The following PATJ variants were observed in gnomAD, a reference collection of about 807,000 sequenced individuals.
The protein encoded by PATJ is inaD-like protein.
PATJ carries 190 observed loss-of-function variants against 224.9 expected under a neutral mutation model. The ratio of observed to expected loss-of-function variants is 0.84; its 90% confidence interval spans 0.75 to 0.95. The LOEUF (loss-of-function observed/expected upper bound fraction) is 0.95. Among genes scored for constraint, PATJ ranks in the 40% least tolerant of loss-of-function variants. The probability of loss-of-function intolerance (pLI) is 0.00; values close to 1 mark genes in which losing one functional copy is unlikely to be tolerated. For missense variants in PATJ, 2,121 were observed against 2,270.3 expected (o/e 0.93, Z 1.34); for synonymous variants, 769 against 820.3 (o/e 0.94, Z 1.07).
intron 17 of PATJ, among the ~76,000 whole-genome samples, chr1:61,847,563 G>T (rs1166536063): frequency 6.6e-6 from 1 of 152,162 alleles, no homozygotes; most frequent in Non-Finnish European, 1.5e-5. Flanking sequence ...GAACATGATG[G>T]TGCTGTGGTA....
intron 7 of PATJ, among the ~76,000 whole-genome samples, chr1:61,779,556 A>G (rs1647130371): frequency 1.3e-5 from 2 of 152,208 alleles, no homozygotes; most frequent in African/African-American, 4.8e-5. Flanking sequence ...TTTGACCAAA[A>G]CAGTCAGCAC....
At chr1:61,988,956 A>C (rs1313158500) in intron 27 of PATJ, among the ~76,000 whole-genome samples, 6 of 152,132 alleles carry the variant, frequency 3.9e-5, no homozygotes, top group Non-Finnish European at 8.8e-5. Flanking sequence ...ACAATCTACG[A>C]ATTTGTTATT....
chr1:61,934,187 C>T (rs1267393008), intron 27 of PATJ, among the ~76,000 whole-genome samples: 4 of 152,156 alleles, frequency 2.6e-5, no homozygotes, highest in Admixed American at 6.6e-5. Context: ...GGCACGATCT[C>T]GGCTCACCGC....
In PATJ at chr1:61,742,533, C is replaced by T. The variant is rs1570162640; in HGVS notation, c.-58C>T. On this transcript the variant is annotated 5_prime_UTR_variant, in exon 1 of 44. Coordinates refer to ENST00000642238, the MANE Select transcript of PATJ (RefSeq NM_001350145.3). ...ACCGAGCCCGCCCGACCCGGGCTCCCACCTGCTCCTCCAGCGCACCAGGTA... is the reference window on the plus strand; with the variant it reads ...ACCGAGCCCGCCCGACCCGGGCTCCTACCTGCTCCTCCAGCGCACCAGGTA... 2.6e-5 allele frequency: 4 copies of T among 152,628 alleles called. 1 individual carries two copies. The highest frequency in any genetic ancestry group is 2.6e-4 in the Admixed American group (4 of 15,304). 9.5% of individuals were successfully genotyped at this position (152,628 alleles called of 1,614,324 possible).
At chr1:61,928,193 G>C (rs563592439) in intron 27 of PATJ, among the ~76,000 whole-genome samples, 2 of 152,276 alleles carry the variant, frequency 1.3e-5, no homozygotes, top group East Asian at 1.9e-4. Context: ...TACTCAAAGT[G>C]ATGTTGCTAA....
intron 28 of PATJ, among the ~76,000 whole-genome samples, chr1:62,012,832 G>C (rs1019222457): frequency 6.6e-6 from 1 of 152,068 alleles, no homozygotes; most frequent in South Asian, 2.1e-4. Context: ...TATTTTTAAG[G>C]CCATAAAAGA....
intron 33 of PATJ, among the ~76,000 whole-genome samples, chr1:62,092,380 T>C (rs866230901): frequency 6.6e-6 from 1 of 150,776 alleles, no homozygotes; most frequent in Non-Finnish European, 1.5e-5. Flanking sequence ...ACCTTGCCTG[T>C]TAAAAAAAAA....
chr1:61,912,064 C>A (rs1022670098), intron 25 of PATJ, among the ~76,000 whole-genome samples: 1 of 151,226 alleles, frequency 6.6e-6, no homozygotes, highest in African/African-American at 2.4e-5. Context: ...TGTTTATCAT[C>A]ACGTGTTGCT....
At chr1:62,005,830 G>A (rs1386634724) in intron 28 of PATJ, among the ~76,000 whole-genome samples, 1 of 152,082 alleles carries the variant, frequency 6.6e-6, no homozygotes, top group Non-Finnish European at 1.5e-5. Flanking sequence ...CAAATTACAT[G>A]AATTTCAACT....
intron 33 of PATJ, among the ~76,000 whole-genome samples, chr1:62,103,086 C>T (rs781292686): frequency 3.9e-5 from 6 of 152,218 alleles, no homozygotes; most frequent in Middle Eastern, 3.4e-3. Context: ...AATCAACTCA[C>T]GCCCTCAAGT....
intron 41 of PATJ, among the ~76,000 whole-genome samples, chr1:62,129,984 C>T (rs777331660): frequency 6.6e-6 from 1 of 151,882 alleles, no homozygotes; most frequent in Non-Finnish European, 1.5e-5. Context: ...GAATAAAGCC[C>T]ACCACTTACT....
intron 20 of PATJ, among the ~76,000 whole-genome samples, chr1:61,866,487 AATCACTTTTTG>A (rs1470551874): frequency 2.6e-5 from 4 of 152,212 alleles, no homozygotes; most frequent in Non-Finnish European, 5.9e-5. Flanking sequence ...TTATCACTAG[AATCACTTTTTG>A]ATCGTTTAAC....
chr1:62,093,821 A>T (rs570928543), intron 33 of PATJ, among the ~76,000 whole-genome samples: 1 of 152,318 alleles, frequency 6.6e-6, no homozygotes, highest in Admixed American at 6.5e-5. Context: ...TGTATGAAAA[A>T]TTATATTCAT....
intron 26 of PATJ, among the ~76,000 whole-genome samples, chr1:61,915,956 A>G: frequency 6.6e-6 from 1 of 152,142 alleles, no homozygotes; most frequent in East Asian, 1.9e-4. Context: ...CGGCCTCCCA[A>G]AGTGCTTGGA....
At chr1:62,087,146 G>T (rs1162686119) in intron 33 of PATJ, among the ~76,000 whole-genome samples, 1 of 151,890 alleles carries the variant, frequency 6.6e-6, no homozygotes, top group Non-Finnish European at 1.5e-5. Context: ...CTTGAAGGAT[G>T]GTGGAGAAGA....
intron 26 of PATJ, among the ~76,000 whole-genome samples, chr1:61,918,957 C>A (rs1673869951): frequency 1.3e-5 from 2 of 149,006 alleles, no homozygotes; most frequent in African/African-American, 2.5e-5. Flanking sequence ...AACCCTGTCT[C>A]AAAAAAATTT....
At chr1:62,104,520 G>A (rs1662640533) in intron 33 of PATJ, among the ~76,000 whole-genome samples, 1 of 151,718 alleles carries the variant, frequency 6.6e-6, no homozygotes, top group Non-Finnish European at 1.5e-5. Context: ...TAGACTACAG[G>A]GGCACACAAT....
At chr1:61,953,916 C>T (rs1380196675) in intron 27 of PATJ, among the ~76,000 whole-genome samples, 1 of 152,312 alleles carries the variant, frequency 6.6e-6, no homozygotes, top group East Asian at 1.9e-4. Context: ...CCAAACACCG[C>T]AGTGGAACCC....
At chr1:62,153,653 T>C (rs1449637428) in intron 43 of PATJ, among the ~76,000 whole-genome samples, 172 bp downstream of exon 43, 1 of 152,132 alleles carries the variant, frequency 6.6e-6, no homozygotes, top group East Asian at 1.9e-4. Context: ...GAAGAGTTCT[T>C]TTACAATGGC....
Sources: gnomAD v4.1 joint callset for allele counts (sites outside exome capture counted in the v4.1 genomes callset) on GRCh38, gnomAD v4.1.1 for gene constraint, MANE v1.5 for transcripts, NCBI Gene and HGNC (gene_info 2026-07-23, HGNC 2026-07-21) for gene names.